The following PXYLP1 variants were observed in gnomAD, a reference collection of about 807,000 sequenced individuals.
PXYLP1 encodes acid phosphatase-like 2.
PXYLP1 carries 17 observed loss-of-function variants against 37.9 expected under a neutral mutation model. The observed-to-expected ratio is 0.45, with a 90% CI of 0.31 to 0.67. The LOEUF is 0.67. PXYLP1 is among the 30% of genes least tolerant of loss of function. The pLI, the probability that PXYLP1 is intolerant of heterozygous loss-of-function variation, is 0.07. For missense variants in PXYLP1, 511 were observed against 612.0 expected (o/e 0.84, Z 1.74); for synonymous variants, 221 against 232.2 (o/e 0.95, Z 0.44).
At chr3:141,255,000 G>A (rs957517457) in intron 1 of PXYLP1, among the ~76,000 whole-genome samples, 1 of 152,140 alleles carries the variant, frequency 6.6e-6, no homozygotes, top group Non-Finnish European at 1.5e-5. Flanking sequence ...CCAAGGCTTG[G>A]GCCCTGGAAC....
At chr3:141,287,040 T>C (rs1020134648) in intron 4 of PXYLP1, among the ~76,000 whole-genome samples, 1 of 152,074 alleles carries the variant, frequency 6.6e-6, no homozygotes, top group Non-Finnish European at 1.5e-5. Flanking sequence ...GCAGCACAGG[T>C]TGGGGAGCCG....
chr3:141,256,212 G>T (rs559764590), intron 1 of PXYLP1, among the ~76,000 whole-genome samples: 2 of 152,162 alleles, frequency 1.3e-5, no homozygotes, highest in Non-Finnish European at 2.9e-5. Context: ...CTGCTCGACC[G>T]CAGGGCTCTG....
Position 141,293,341 on chromosome 3 carries a change from A to G in PXYLP1, c.*136A>G, listed in dbSNP as rs1164842064. On this transcript the variant is annotated 3_prime_UTR_variant, in exon 6 of 6. Coordinates refer to ENST00000286353, the MANE Select transcript of PXYLP1 (RefSeq NM_001037172.3). Reference sequence around the variant, plus strand: ...TAAATATTGTTTGTGGGAACCACAGATGGTTGGGGTTGAACAGTAAGCACA... The same window carrying G: ...TAAATATTGTTTGTGGGAACCACAGGTGGTTGGGGTTGAACAGTAAGCACA... The G allele has an allele frequency of 1.0e-5, 10 of 954,356 alleles. No homozygotes were observed. The highest frequency in any genetic ancestry group is 1.7e-5 in the African/African-American group (1 of 60,328). 59.1% of individuals were successfully genotyped at this position (954,356 alleles called of 1,614,324 possible). A position where few individuals can be genotyped will look rare whatever the true frequency, so the allele number is the denominator to read the frequency against.
Position 141,232,682 on chromosome 3 carries a change from G to C in PXYLP1, c.-54+771G>C, listed in dbSNP as rs115567520. Among the ~76,000 whole-genome samples, 1,205 of 152,030 alleles carry C rather than the reference G, an allele frequency of 7.9e-3. 20 individuals carry two copies. Among genetic ancestry groups the C allele is most frequent in the African/African-American group, 0.026 (1,091 of 41,460 alleles). ...TGGGTTTGTCACACACACACACACA[G>C]AGAGAGAGAGAATGGATTTGCTTAG... On this transcript the variant is annotated intron_variant, in intron 1 of 5. Coordinates refer to ENST00000286353, the MANE Select transcript of PXYLP1 (RefSeq NM_001037172.3).
At chr3:141,269,990 C>T (rs1941621027) in intron 2 of PXYLP1, among the ~76,000 whole-genome samples, 1 of 152,212 alleles carries the variant, frequency 6.6e-6, no homozygotes, top group South Asian at 2.1e-4. Flanking sequence ...GGACTTAGGT[C>T]CCAGAGGCAA....
intron 2 of PXYLP1, among the ~76,000 whole-genome samples, chr3:141,275,266 A>G (rs1259827224): frequency 6.6e-6 from 1 of 152,210 alleles, no homozygotes; most frequent in Non-Finnish European, 1.5e-5. Flanking sequence ...TCCTTGGGTC[A>G]TGGGTGGGTC....
chr3:141,260,167 T>C lies in PXYLP1; in HGVS notation c.-9T>C. ...GTGAAACCATGAAGAGAAAATAGAA[T>C]ACTTAATAATGCTTTTCCGCAACCG... On this transcript the variant is annotated 5_prime_UTR_variant, in exon 2 of 6. Transcript: ENST00000286353. 6.2e-7 allele frequency: 1 copy of C among 1,613,970 alleles called. No individual in the cohort carries two copies. Among genetic ancestry groups the C allele is most frequent in the Non-Finnish European group, 8.5e-7 (1 of 1,180,012 alleles).
chr3:141,235,719 A>G (rs1013410312), intron 1 of PXYLP1, among the ~76,000 whole-genome samples: 3 of 152,244 alleles, frequency 2.0e-5, no homozygotes, highest in African/African-American at 7.2e-5. Context: ...ACGACGGCCC[A>G]TTGGAGCCTC....
In PXYLP1 at chr3:141,260,123, G is replaced by T; in HGVS notation, c.-53G>T. On this transcript the variant is annotated splice_region_variant and 5_prime_UTR_variant, in exon 2 of 6. Transcript: ENST00000286353. Reference sequence around the variant, plus strand: ...TTTATCACCTCTGCTTTATTCACAGGACATGTTCCCGATTTGAGGTGAAAC... The same window carrying T: ...TTTATCACCTCTGCTTTATTCACAGTACATGTTCCCGATTTGAGGTGAAAC... 1.9e-6 allele frequency: 3 copies of T among 1,604,224 alleles called. No individual in the cohort carries two copies. The highest frequency in any genetic ancestry group is 2.6e-6 in the Non-Finnish European group (3 of 1,172,016).
intron 2 of PXYLP1, among the ~76,000 whole-genome samples, chr3:141,263,153 A>G (rs539320548): frequency 1.3e-5 from 2 of 152,362 alleles, no homozygotes; most frequent in East Asian, 3.9e-4. Flanking sequence ...TTAAATAAGT[A>G]TGTCTTCCTC....
intron 2 of PXYLP1, chr3:141,267,286 T>G (rs906781728): frequency 4.6e-5 from 7 of 151,926 alleles, no homozygotes. Flanking sequence ...TGGAAAAGAT[T>G]TGGGGATGCA....
rs1942255339 is a variant in PXYLP1 at position 141,292,742 on chromosome 3, A to G, written c.980A>G (p.His327Arg). Residue 327 changes from histidine (H) to arginine (R), a missense_variant, in exon 6 of 6, where the codon CAT (histidine) becomes CGT (arginine). By Grantham distance (29) the His-to-Arg change is conservative. Coordinates refer to ENST00000286353, the MANE Select transcript of PXYLP1 (RefSeq NM_001037172.3). This position sits in a 1 kb window ranked among gnomAD's most constrained non-coding sequence, Gnocchi z 4.3. ...GAGCACTTCAAGGTAATTAAGACCC[A>G]TCAGATCGAGGATGAAAGGGAAAGA... ...DMEHFKVIKT[H>R]QIEDERERRE... The G allele has an allele frequency of 6.2e-7, 1 of 1,614,078 alleles. No homozygotes were observed. Among genetic ancestry groups the G allele is most frequent in the Non-Finnish European group, 8.5e-7 (1 of 1,179,984 alleles).
rs866594639 is a variant in PXYLP1, at chr3:141,248,671, A to G, written c.-53-11452A>G. 4.9e-5 allele frequency among the ~76,000 whole-genome samples: 4 copies of G among 80,810 alleles called. 1 individual carries two copies. Among genetic ancestry groups the G allele is most frequent in the Non-Finnish European group, 6.4e-5 (3 of 46,548 alleles). 53.0% of individuals were successfully genotyped at this position (80,810 alleles called of 152,430 possible). A position where few individuals can be genotyped will look rare whatever the true frequency, so the allele number is the denominator to read the frequency against. On this transcript the variant is annotated intron_variant, in intron 1 of 5. Transcript: ENST00000286353. ...TATATACACACGTATATATACACAC[A>G]CGTGTATATATACACACGTATATAC...
intron 4 of PXYLP1, among the ~76,000 whole-genome samples, chr3:141,279,770 A>G (rs1262687954): frequency 6.6e-6 from 1 of 152,192 alleles, no homozygotes; most frequent in African/African-American, 2.4e-5. Flanking sequence ...TTTAATAAAC[A>G]GTTGGGACAC....
At chr3:141,240,927 T>C (rs1468062129) in intron 1 of PXYLP1, among the ~76,000 whole-genome samples, 1 of 152,138 alleles carries the variant, frequency 6.6e-6, no homozygotes, top group Non-Finnish European at 1.5e-5. Flanking sequence ...TGGGAATGTG[T>C]CCTAGTTGAT....
intron 1 of PXYLP1, among the ~76,000 whole-genome samples, chr3:141,257,259 T>C (rs1372374551): frequency 6.6e-6 from 1 of 152,222 alleles, no homozygotes; most frequent in African/African-American, 2.4e-5. Context: ...ACTGCTTACC[T>C]TGGCTCCATG....
At chr3:141,259,037 A>G (rs1035986651) in intron 1 of PXYLP1, among the ~76,000 whole-genome samples, 10 of 152,178 alleles carry the variant, frequency 6.6e-5, no homozygotes, top group African/African-American at 2.4e-4. Flanking sequence ...GGGCTCTGGG[A>G]GTCTGGCTCC....
At chr3:141,279,901 AAGG>A (rs1395455035) in intron 4 of PXYLP1, among the ~76,000 whole-genome samples, 1 of 152,236 alleles carries the variant, frequency 6.6e-6, no homozygotes. Context: ...CGGGGATCAC[AAGG>A]CTCCCCATGC....
intron 4 of PXYLP1, among the ~76,000 whole-genome samples, chr3:141,280,392 T>TA (rs1318605252): frequency 1.3e-5 from 2 of 152,254 alleles, no homozygotes; most frequent in Non-Finnish European, 2.9e-5. Context: ...CAGGACCCTC[T>TA]AATGGGGCCA....
Sources: allele counts gnomAD v4.1 joint callset (sites outside exome capture counted in the v4.1 genomes callset), GRCh38; gene constraint gnomAD v4.1.1; non-coding constraint Gnocchi (gnomAD v3.1); transcripts MANE v1.5; gene names NCBI Gene and HGNC (gene_info 2026-07-23, HGNC 2026-07-21).